DSCAM: variants seen among roughly 807,000 people sequenced by gnomAD.
DSCAM encodes DS cell adhesion molecule.
Under a neutral mutation model 217.7 loss-of-function variants are expected in DSCAM, and 47 were observed. The ratio of observed to expected loss-of-function variants is 0.22; its 90% confidence interval spans 0.17 to 0.28. DSCAM has a LOEUF of 0.28. Among genes scored for constraint, DSCAM ranks in the 10% least tolerant of loss-of-function variants. The pLI, the probability that DSCAM is intolerant of heterozygous loss-of-function variation, is 1.00. For synonymous variants in DSCAM, 1,056 were observed against 1,015.3 expected, an observed-to-expected ratio of 1.04 and a Z score of -0.76; for missense variants, 2,080 against 2,618.3, an observed-to-expected ratio of 0.79 and a Z score of 4.49.
chr21:40,632,600 G>T (rs2089707052), intron 3 of DSCAM, among the ~76,000 whole-genome samples: 1 of 152,122 alleles, frequency 6.6e-6, no homozygotes, highest in African/African-American at 2.4e-5. Flanking sequence ...CCAACACTGA[G>T]CCCAAAATAA....
intron 3 of DSCAM, among the ~76,000 whole-genome samples, chr21:40,580,042 CT>C (rs34300240): frequency 0.062 from 9,416 of 151,880 alleles, 356 homozygotes; most frequent in South Asian, 0.15. Flanking sequence ...ATAACAGATT[CT>C]AGATCTACCT....
chr21:40,244,445 C>T (rs1174268125), intron 11 of DSCAM, among the ~76,000 whole-genome samples: 2 of 146,574 alleles, frequency 1.4e-5, no homozygotes, highest in Admixed American at 6.8e-5. Flanking sequence ...AATGAGACTC[C>T]GTCTCCGGAA....
chr21:40,103,065 T>C (rs2089774782), intron 20 of DSCAM, among the ~76,000 whole-genome samples: 1 of 152,220 alleles, frequency 6.6e-6, no homozygotes, highest in African/African-American at 2.4e-5. Flanking sequence ...TAGGTGAGTT[T>C]AGTAATGACC....
At chr21:40,168,726 C>T (rs569011873) in intron 15 of DSCAM, among the ~76,000 whole-genome samples, 1 of 152,166 alleles carries the variant, frequency 6.6e-6, no homozygotes, top group African/African-American at 2.4e-5. Context: ...AAGCGCATGA[C>T]TAAGGGAAAG....
At chr21:40,762,532 T>C (rs1195872724) in intron 1 of DSCAM, among the ~76,000 whole-genome samples, 1 of 151,928 alleles carries the variant, frequency 6.6e-6, no homozygotes, top group East Asian at 1.9e-4. Flanking sequence ...CTACCAGAGG[T>C]ACAAAGAGGA....
intron 11 of DSCAM, among the ~76,000 whole-genome samples, chr21:40,274,853 C>T (rs2073665788): frequency 1.3e-5 from 2 of 152,034 alleles, no homozygotes; most frequent in Admixed American, 1.3e-4. Context: ...AGTGGACTAA[C>T]TAAAATAAAT....
intron 3 of DSCAM, among the ~76,000 whole-genome samples, chr21:40,527,215 G>T (rs1205038930): frequency 4.6e-5 from 7 of 152,058 alleles, no homozygotes; most frequent in Non-Finnish European, 7.4e-5. Context: ...CCCCATGTAT[G>T]GTAGATGCCA....
chr21:40,682,824 G>A lies in DSCAM; in HGVS notation c.508+9986C>T, dbSNP rs371748978. Among the ~76,000 whole-genome samples, 187 of 100,930 alleles carry A rather than the reference G, an allele frequency of 1.9e-3. 28 individuals are homozygous for A. Among genetic ancestry groups the A allele is most frequent in the East Asian group, 2.7e-3 (9 of 3,380 alleles). 66.2% of individuals were successfully genotyped at this position (100,930 alleles called of 152,430 possible). On this transcript the variant is annotated intron_variant, in intron 3 of 32. Coordinates refer to ENST00000400454, the MANE Select transcript of DSCAM (RefSeq NM_001389.5). ...GGAAGGGAAGGGAAGGGAAGGGAAGGGAAGGGAAGGGAAGGGAAGGGAAGG... is the reference window on the plus strand; with the variant it reads ...GGAAGGGAAGGGAAGGGAAGGGAAGAGAAGGGAAGGGAAGGGAAGGGAAGG...
At position 40,656,877 on chromosome 21, in the gene DSCAM, G is replaced by A. The variant is rs138287581; in HGVS notation, c.508+35933C>T. On this transcript the variant is annotated intron_variant, in intron 3 of 32. Coordinates refer to ENST00000400454, the MANE Select transcript of DSCAM (RefSeq NM_001389.5). ...TCTTATCTCATTTTAAACTAAAGGAGATCAAAGTTGAGAATGTTTTCTTTT... is the reference window on the plus strand; with the variant it reads ...TCTTATCTCATTTTAAACTAAAGGAAATCAAAGTTGAGAATGTTTTCTTTT... Among the ~76,000 whole-genome samples, 23 of 152,296 alleles carry A rather than the reference G, an allele frequency of 1.5e-4. No individual in the cohort carries two copies. In the East Asian group the frequency reaches 3.7e-3, roughly 24 times the overall value.
At chr21:40,280,721 T>C (rs1396381202) in intron 10 of DSCAM, among the ~76,000 whole-genome samples, 3 of 152,228 alleles carry the variant, frequency 2.0e-5, no homozygotes, top group East Asian at 3.9e-4. Context: ...TTCGTTTTTA[T>C]GCAAATGGAC....
chr21:40,093,885 A>T lies in DSCAM; in HGVS notation c.3697-11T>A, dbSNP rs752475991. On this transcript the variant is annotated splice_polypyrimidine_tract_variant and intron_variant, in intron 20 of 32. Transcript: ENST00000400454. Reference sequence around the variant, plus strand: ...AAACTCGCTGATCACCTGTAAAAAGAGACATAAGTGTTCCCACATTCAAAG... The same window carrying T: ...AAACTCGCTGATCACCTGTAAAAAGTGACATAAGTGTTCCCACATTCAAAG... The T allele has an allele frequency of 3.5e-5, 57 of 1,610,742 alleles. No homozygotes were observed. The South Asian group carries it at 5.7e-4, about 16-fold the overall frequency.
chr21:40,156,398 G>T (rs1486038440), intron 16 of DSCAM, among the ~76,000 whole-genome samples: 1 of 151,684 alleles, frequency 6.6e-6, no homozygotes, highest in Non-Finnish European at 1.5e-5. Flanking sequence ...TGCAGCCTTT[G>T]TCATTTTTGC....
chr21:40,800,332 C>A (rs779061494), intron 1 of DSCAM, among the ~76,000 whole-genome samples: 1 of 152,102 alleles, frequency 6.6e-6, no homozygotes, highest in Non-Finnish European at 1.5e-5. Context: ...TAGTGAACAC[C>A]TGAAAATGTG....
At chr21:40,595,694 C>G (rs989397495) in intron 3 of DSCAM, among the ~76,000 whole-genome samples, 4 of 152,136 alleles carry the variant, frequency 2.6e-5, no homozygotes, top group Non-Finnish European at 5.9e-5. Flanking sequence ...TACTCTGGTT[C>G]CAATTTATAA....
intron 3 of DSCAM, among the ~76,000 whole-genome samples, chr21:40,685,937 A>C (rs1568984722): frequency 1.3e-5 from 1 of 74,926 alleles, no homozygotes; most frequent in Non-Finnish European, 3.1e-5. Context: ...TGAGGCAAAC[A>C]AAAACAAAAA....
At chr21:40,472,620 T>C (rs1181572916) in intron 3 of DSCAM, among the ~76,000 whole-genome samples, 1 of 152,204 alleles carries the variant, frequency 6.6e-6, no homozygotes, top group Non-Finnish European at 1.5e-5. Context: ...AGCTTTAAGG[T>C]GATATTGCAG....
At chr21:40,225,008 T>G (rs1326165460) in intron 11 of DSCAM, among the ~76,000 whole-genome samples, 1 of 152,218 alleles carries the variant, frequency 6.6e-6, no homozygotes, top group East Asian at 1.9e-4. Flanking sequence ...GGAGGTACTG[T>G]GCATGCTACA....
intron 6 of DSCAM, among the ~76,000 whole-genome samples, chr21:40,343,757 CAAAT>C (rs2074525032): frequency 6.6e-6 from 1 of 151,890 alleles, no homozygotes; most frequent in African/African-American, 2.4e-5. Flanking sequence ...AACCCTGCAA[CAAAT>C]AATTCTGCCC....
At chr21:40,839,755 C>A (rs6517625) in intron 1 of DSCAM, among the ~76,000 whole-genome samples, 1 of 151,812 alleles carries the variant, frequency 6.6e-6, no homozygotes, top group Non-Finnish European at 1.5e-5. Context: ...ACTGTCTTTG[C>A]GGCTGCACTT....
Sources: gnomAD v4.1 joint callset for allele counts (sites outside exome capture counted in the v4.1 genomes callset) on GRCh38, gnomAD v4.1.1 for gene constraint, MANE v1.5 for transcripts, NCBI Gene and HGNC (gene_info 2026-07-23, HGNC 2026-07-21) for gene names.